The following KY variants were observed in gnomAD, a reference collection of about 807,000 sequenced individuals.
The protein encoded by KY is kyphoscoliosis peptidase.
In KY, 43 loss-of-function variants were observed where a neutral mutation model predicts 76.1. That is an observed-to-expected ratio of 0.57 (90% CI 0.44 to 0.73). The LOEUF (loss-of-function observed/expected upper bound fraction) is 0.73. Ranked by LOEUF, KY falls within the 30% of genes least tolerant of loss-of-function variation. The probability of loss-of-function intolerance (pLI) is 0.00; values close to 1 mark genes in which losing one functional copy is unlikely to be tolerated. For synonymous variants in KY, 277 were observed against 326.2 expected (o/e 0.85, Z 1.63); for missense variants, 722 against 828.9 (o/e 0.87, Z 1.58).
At chr3:134,605,929 G>A (rs1040472217) in intron 10 of KY, among the ~76,000 whole-genome samples, 6 of 152,164 alleles carry the variant, frequency 3.9e-5, no homozygotes, top group African/African-American at 1.4e-4. Flanking sequence ...CTGAAATTGT[G>A]TGACTCTTGG....
chr3:134,650,788 C>T lies in KY; in HGVS notation c.136+37G>A, dbSNP rs768501813. The T allele has an allele frequency of 2.0e-6, 3 of 1,531,848 alleles. No homozygotes were observed. The South Asian group carries it at 3.8e-5, about 19-fold the overall frequency. 94.9% of individuals were successfully genotyped at this position (1,531,848 alleles called of 1,614,324 possible). On this transcript the variant is annotated intron_variant, in intron 1 of 10. Transcript: ENST00000423778. ...CCCTTGTGGCAAGGAGGCCAAGGTG[C>T]CGGGGGACCCGGGGACCCGGGTCGG...
chr3:134,651,010 T>C lies in KY; in HGVS notation c.-50A>G. The C allele has an allele frequency of 1.9e-6, 3 of 1,610,492 alleles. No homozygotes were observed. The highest frequency in any genetic ancestry group is 2.5e-6 in the Non-Finnish European group (3 of 1,178,364). On this transcript the variant is annotated 5_prime_UTR_variant, in exon 1 of 11. Coordinates refer to ENST00000423778, the MANE Select transcript of KY (RefSeq NM_178554.6). Reference sequence around the variant, plus strand: ...GCGCCGCGGCCGCACGCTAGGCTGCTTGCGCTGCAAATGGCCCCGTGCGCG... The same window carrying C: ...GCGCCGCGGCCGCACGCTAGGCTGCCTGCGCTGCAAATGGCCCCGTGCGCG...
chr3:134,607,584 G>A, intron 10 of KY: 1 of 985,630 alleles, frequency 1.0e-6, no homozygotes, highest in Non-Finnish European at 1.2e-6. Flanking sequence ...CAGGCTGTGT[G>A]CCCAGCACTG....
chr3:134,639,975 A>G (rs962879530), intron 3 of KY: 8 of 169,620 alleles, frequency 4.7e-5, no homozygotes, highest in Admixed American at 1.9e-4. Context: ...AAAAAAAAAA[A>G]AAAGAAAGAA....
intron 6 of KY, among the ~76,000 whole-genome samples, chr3:134,621,393 A>G (rs987261472): frequency 2.0e-5 from 3 of 152,244 alleles, no homozygotes; most frequent in Non-Finnish European, 4.4e-5. Context: ...AATACAACTG[A>G]GAGTCCAGAA....
rs562559887 is a variant in KY, at chr3:134,602,252, C to G, written c.*1327G>C. Reference sequence around the variant, plus strand: ...CATGTGGGGCCTCTCTCGCCTTTCCCTCTTATCTGCCCTCGCTGAAGTCAG... The same window carrying G: ...CATGTGGGGCCTCTCTCGCCTTTCCGTCTTATCTGCCCTCGCTGAAGTCAG... On this transcript the variant is annotated 3_prime_UTR_variant, in exon 11 of 11. Transcript: ENST00000423778. 3.9e-5 allele frequency among the ~76,000 whole-genome samples: 6 copies of G among 152,162 alleles called. No homozygotes were observed. Among genetic ancestry groups the G allele is most frequent in the Non-Finnish European group, 5.9e-5 (4 of 68,016 alleles).
At chr3:134,611,595 T>G (rs968873082) in intron 8 of KY, among the ~76,000 whole-genome samples, 5 of 152,252 alleles carry the variant, frequency 3.3e-5, no homozygotes, top group African/African-American at 1.2e-4. Flanking sequence ...ACACAACCTG[T>G]GAAACCGAGG....
At chr3:134,624,420 C>G (rs747118470) in intron 6 of KY, among the ~76,000 whole-genome samples, 9 of 152,206 alleles carry the variant, frequency 5.9e-5, no homozygotes, top group Non-Finnish European at 1.2e-4. Flanking sequence ...TATAAGGTGG[C>G]CTTTTTAAGA....
intron 3 of KY, among the ~76,000 whole-genome samples, chr3:134,632,073 CT>C (rs1433418394): frequency 5.3e-5 from 8 of 151,890 alleles, no homozygotes; most frequent in African/African-American, 1.4e-4. Flanking sequence ...ACATAACAAC[CT>C]TCAATAGGCA....
chr3:134,649,728 G>A (rs1966839860), intron 1 of KY, among the ~76,000 whole-genome samples: 1 of 152,194 alleles, frequency 6.6e-6, no homozygotes, highest in South Asian at 2.1e-4. Flanking sequence ...GGTTCCCAGG[G>A]CTCTGGAGGC....
intron 7 of KY, among the ~76,000 whole-genome samples, chr3:134,619,754 T>TA (rs1451578064): frequency 6.6e-6 from 1 of 152,208 alleles, no homozygotes; most frequent in Non-Finnish European, 1.5e-5. Flanking sequence ...GGTGAGGCCC[T>TA]AAGGCAGAAG....
chr3:134,627,874 GCACTGAT>G, intron 4 of KY, 56 bp from the exon 5 acceptor site: 1 of 1,379,260 alleles, frequency 7.3e-7, no homozygotes, highest in Non-Finnish European at 1.0e-6. Context: ...AGAAATGCAA[GCACTGAT>G]GACTCACCTT....
intron 10 of KY, 61 bp downstream of exon 10, chr3:134,608,588 G>C: frequency 5.6e-6 from 9 of 1,613,450 alleles, no homozygotes; most frequent in Non-Finnish European, 7.6e-6. Context: ...CGGGCTCCTG[G>C]AGGACAGTGC....
chr3:134,612,443 G>A (rs1178774651), intron 8 of KY, among the ~76,000 whole-genome samples: 1 of 152,188 alleles, frequency 6.6e-6, no homozygotes, highest in Non-Finnish European at 1.5e-5. Context: ...AGCAGAAGGT[G>A]GTGGGGAGTG....
rs1345595056 is a variant in KY, at chr3:134,602,278, C to T, written c.*1301G>A. On this transcript the variant is annotated 3_prime_UTR_variant, in exon 11 of 11. Coordinates refer to ENST00000423778, the MANE Select transcript of KY (RefSeq NM_178554.6). Reference sequence around the variant, plus strand: ...TCTTATCTGCCCTCGCTGAAGTCAGCCTTTCCTCCGTTGCCATGGCAACGG... The same window carrying T: ...TCTTATCTGCCCTCGCTGAAGTCAGTCTTTCCTCCGTTGCCATGGCAACGG... Among the ~76,000 whole-genome samples the T allele has an allele frequency of 6.6e-6, 1 of 152,140 alleles. No individual in the cohort carries two copies. Among genetic ancestry groups the T allele is most frequent in the African/African-American group, 2.4e-5 (1 of 41,428 alleles).
At chr3:134,625,684 T>C (rs1444775712) in intron 5 of KY, among the ~76,000 whole-genome samples, 1 of 152,156 alleles carries the variant, frequency 6.6e-6, no homozygotes, top group Non-Finnish European at 1.5e-5. Context: ...GCGAGGTGCG[T>C]TTGGCACCCA....
chr3:134,650,584 A>C (rs1966857873), intron 1 of KY, among the ~76,000 whole-genome samples: 1 of 152,154 alleles, frequency 6.6e-6, no homozygotes, highest in Admixed American at 6.5e-5. Flanking sequence ...TGACGGAAGC[A>C]CCCACAGGCC....
At position 134,607,840 on chromosome 3, in the gene KY, C is replaced by A. The variant is rs964387289; in HGVS notation, c.1090+809G>T. On this transcript the variant is annotated intron_variant, in intron 10 of 10. Coordinates refer to ENST00000423778, the MANE Select transcript of KY (RefSeq NM_178554.6). The stretch of plus-strand genomic sequence containing the variant: ...GGAGTGGGCTGGAAACGGCTGGGTC[C>A]CGCCTCCAGAAGGGAGGGGTACTGA... 5 of 987,952 alleles carry A rather than the reference C, an allele frequency of 5.1e-6. No individual in the cohort carries two copies. The African/African-American group carries it at 8.7e-5, about 17-fold the overall frequency. The allele number at this position is 987,952 out of a possible 1,614,324, so 61.2% of individuals were successfully genotyped here.
rs2107835839 is a variant in KY at position 134,620,835 on chromosome 3, T to G, written c.506A>C (p.Asp169Ala). Residue 169 changes from aspartate (D) to alanine (A), a missense_variant, in exon 7 of 11, where the codon GAC becomes GCC. By Grantham distance (126) the Asp-to-Ala change is moderately radical. This residue lies in a region of KY where 552 missense variants were observed against 680.9 expected (regional missense o/e 0.81). Coordinates refer to ENST00000423778, the MANE Select transcript of KY (RefSeq NM_178554.6). ...ASQVTAKSGLDELVSDLLQEA... is the reference protein window; with the variant it reads ...ASQVTAKSGLAELVSDLLQEA... The stretch of plus-strand genomic sequence containing the variant: ...CTGGAGCAGGTCACTCACCAGTTCG[T>G]CTAGGCCACTCTTGGCTGTCACCTG... 6.2e-7 allele frequency: 1 copy of G among 1,612,298 alleles called. No individual in the cohort carries two copies. Among genetic ancestry groups the G allele is most frequent in the Non-Finnish European group, 8.5e-7 (1 of 1,179,142 alleles).
Sources: allele counts gnomAD v4.1 joint callset (sites outside exome capture counted in the v4.1 genomes callset), GRCh38; gene constraint gnomAD v4.1.1; regional missense constraint gnomAD v4.1.1; transcripts MANE v1.5; gene names NCBI Gene and HGNC (gene_info 2026-07-23, HGNC 2026-07-21).